The following CDH4 variants were observed in gnomAD, a reference collection of about 807,000 sequenced individuals.
CDH4 encodes cadherin-4.
A neutral mutation model predicts 86.0 loss-of-function variants in CDH4; 33 were observed. The ratio of observed to expected loss-of-function variants is 0.38; its 90% CI spans 0.29 to 0.51. The LOEUF (loss-of-function observed/expected upper bound fraction) is 0.51, where lower values mean the gene tolerates loss of function less well. Ranked by LOEUF, CDH4 falls within the 20% of genes least tolerant of loss-of-function variation. The pLI is 0.86. For missense variants in CDH4, 1,114 were observed against 1,307.4 expected (o/e 0.85, Z 2.28); for synonymous variants, 555 against 549.4 (o/e 1.01, Z -0.14).
chr20:61,396,862 A>C (rs1234265724), intron 2 of CDH4, among the ~76,000 whole-genome samples: 1 of 152,122 alleles, frequency 6.6e-6, no homozygotes, highest in East Asian at 1.9e-4. Flanking sequence ...TTCATGATAC[A>C]CTTTTTAATA....
chr20:61,629,364 T>C (rs2086862867), intron 2 of CDH4, among the ~76,000 whole-genome samples: 1 of 151,622 alleles, frequency 6.6e-6, no homozygotes, highest in African/African-American at 2.4e-5. Context: ...ACAGATGTTT[T>C]GAGAGCTCAC....
chr20:61,538,099 A>G (rs2086011432), intron 2 of CDH4, among the ~76,000 whole-genome samples: 3 of 152,104 alleles, frequency 2.0e-5, no homozygotes, highest in Admixed American at 6.5e-5. Context: ...GCATTCACAC[A>G]GGAGCTGTCC....
In CDH4 at chr20:61,480,380, C is replaced by T. The variant is rs1044166707; in HGVS notation, c.169+225443C>T. Among the ~76,000 whole-genome samples the T allele has an allele frequency of 4.6e-5, 7 of 152,192 alleles. No homozygotes were observed. The highest frequency in any genetic ancestry group is 4.6e-4 in the Admixed American group (7 of 15,276). On this transcript the variant is annotated intron_variant, in intron 2 of 15. Transcript: ENST00000614565. The surrounding 1 kb of genome is among the most constrained non-coding windows in gnomAD (Gnocchi z 5.2). ...GTCTGTCTATTTTGTTTGGGTTTCC[C>T]GTTGTTCCAAGGTGGGTGGTGGATA...
In CDH4 at chr20:61,517,161, A is replaced by T. The variant is rs2085827939; in HGVS notation, c.170-226402A>T. 6.6e-6 allele frequency among the ~76,000 whole-genome samples: 1 copy of T among 152,044 alleles called. No homozygotes were observed. ...AGATTCCTGTATTCCAACTTTCTAG[A>T]TGTTGCCTGACTTTGAACTTCGGGT... On this transcript the variant is annotated intron_variant, in intron 2 of 15. Coordinates refer to ENST00000614565, the MANE Select transcript of CDH4 (RefSeq NM_001794.5). This position sits in a 1 kb window ranked among gnomAD's most constrained non-coding sequence, Gnocchi z 6.6.
At chr20:61,404,275 T>G (rs532733950) in intron 2 of CDH4, among the ~76,000 whole-genome samples, 11 of 152,150 alleles carry the variant, frequency 7.2e-5, no homozygotes, top group Middle Eastern at 3.4e-3. Context: ...TGTTCCTGAT[T>G]GTTTTAATTT....
In CDH4 at chr20:61,582,604, C is replaced by T. The variant is rs770703520; in HGVS notation, c.170-160959C>T. ...AGTGCCCTGAGAGCTGCACCTAGAG[C>T]TTCTTCCGTCCCCTGCAGGGCCTGG... On this transcript the variant is annotated intron_variant, in intron 2 of 15. Transcript: ENST00000614565. The surrounding 1 kb of genome is among the most constrained non-coding windows in gnomAD (Gnocchi z 4.2). Among the ~76,000 whole-genome samples, 1 of 152,168 alleles carries T rather than the reference C, an allele frequency of 6.6e-6. No homozygotes were observed. Among genetic ancestry groups the T allele is most frequent in the Non-Finnish European group, 1.5e-5 (1 of 68,036 alleles).
intron 2 of CDH4, among the ~76,000 whole-genome samples, chr20:61,279,896 A>G (rs1028869026): frequency 5.3e-5 from 8 of 152,178 alleles, no homozygotes; most frequent in Non-Finnish European, 1.2e-4. Context: ...CCCTGCTTGA[A>G]GATACGGATA....
At chr20:61,332,698 G>C (rs184947375) in intron 2 of CDH4, among the ~76,000 whole-genome samples, 1 of 152,340 alleles carries the variant, frequency 6.6e-6, no homozygotes, top group East Asian at 1.9e-4. Context: ...CTCCTCCCTG[G>C]GGGTGTGAGC....
At chr20:61,570,220 C>T (rs906733595) in intron 2 of CDH4, 1 of 168,212 alleles carries the variant, frequency 5.9e-6, no homozygotes, top group Non-Finnish European at 1.3e-5. Context: ...AGCTGGGCTA[C>T]CTAGATTCTA....
chr20:61,606,027 A>G (rs2086643203), intron 2 of CDH4, among the ~76,000 whole-genome samples: 1 of 152,146 alleles, frequency 6.6e-6, no homozygotes, highest in South Asian at 2.1e-4. Context: ...ATGCTGGGCA[A>G]TGGCATCCCG....
chr20:61,800,802 C>A (rs1399631314), intron 4 of CDH4, among the ~76,000 whole-genome samples: 1 of 152,222 alleles, frequency 6.6e-6, no homozygotes, highest in African/African-American at 2.4e-5. Flanking sequence ...TCCCTGCCTT[C>A]CCTTGCCTGA....
At chr20:61,534,790 GCC>G (rs758347536) in intron 2 of CDH4, among the ~76,000 whole-genome samples, 14,406 of 148,084 alleles carry the variant, frequency 0.097, 1,851 homozygotes, top group East Asian at 0.32. Context: ...TGGCAGAGAT[GCC>G]TGTTCATCCT....
intron 7 of CDH4, among the ~76,000 whole-genome samples, chr20:61,889,584 AGTTAG>A (rs1984706062): frequency 1.1e-5 from 1 of 94,560 alleles, no homozygotes. Context: ...ATGATGAATG[AGTTAG>A]TGGATGGATG....
intron 2 of CDH4, among the ~76,000 whole-genome samples, chr20:61,671,536 G>A (rs1193707651): frequency 6.6e-6 from 1 of 152,054 alleles, no homozygotes; most frequent in Non-Finnish European, 1.5e-5. Flanking sequence ...TGGACAAATG[G>A]ATGGATGGAT....
At chr20:61,481,385 T>C (rs2085567408) in intron 2 of CDH4, among the ~76,000 whole-genome samples, 1 of 152,188 alleles carries the variant, frequency 6.6e-6, no homozygotes, top group Admixed American at 6.5e-5. Context: ...TCTGAGAAAA[T>C]ACTTGGAAGG....
intron 2 of CDH4, among the ~76,000 whole-genome samples, chr20:61,442,670 C>T (rs910102682): frequency 1.3e-5 from 2 of 152,212 alleles, no homozygotes; most frequent in African/African-American, 2.4e-5. Flanking sequence ...GCCTCATCCA[C>T]GATCAGTGAC....
intron 2 of CDH4, among the ~76,000 whole-genome samples, chr20:61,422,648 G>A (rs2085186705): frequency 6.6e-6 from 1 of 152,170 alleles, no homozygotes; most frequent in Non-Finnish European, 1.5e-5. Context: ...GAGAACTTAC[G>A]GATCTGGCTC....
chr20:61,305,310 G>T (rs1021234436), intron 2 of CDH4, among the ~76,000 whole-genome samples: 2 of 152,162 alleles, frequency 1.3e-5, no homozygotes, highest in Admixed American at 6.5e-5. Context: ...CAGTGCACCT[G>T]CCGTATCTTA....
At chr20:61,526,325 T>A (rs1262502180) in intron 2 of CDH4, among the ~76,000 whole-genome samples, 1 of 152,102 alleles carries the variant, frequency 6.6e-6, no homozygotes, top group East Asian at 1.9e-4. Flanking sequence ...AACGAAGCCC[T>A]TTCTAAAACA....
Sources: allele counts gnomAD v4.1 joint callset (sites outside exome capture counted in the v4.1 genomes callset), GRCh38; gene constraint gnomAD v4.1.1; non-coding constraint Gnocchi (gnomAD v3.1); transcripts MANE v1.5; gene names NCBI Gene and HGNC (gene_info 2026-07-23, HGNC 2026-07-21).